Variants in DRAM2 observed in about 807,000 individuals in gnomAD.
DRAM2 encodes DNA damage regulated autophagy modulator 2, also known as DNA damage-regulated autophagy modulator protein 2.
Under a neutral mutation model 33.5 loss-of-function variants are expected in DRAM2, and 26 were observed. The observed-to-expected ratio is 0.78, with a 90% CI of 0.57 to 1.08. DRAM2 has a LOEUF of 1.08. Among genes scored for constraint, DRAM2 ranks in the 50% least tolerant of loss-of-function variants. The pLI, the probability that DRAM2 is intolerant of heterozygous loss-of-function variation, is 0.00. For synonymous variants in DRAM2, 98 were observed against 109.5 expected (o/e 0.89, Z 0.66); for missense variants, 311 against 318.1 (o/e 0.98, Z 0.17).
intron 4 of DRAM2, among the ~76,000 whole-genome samples, chr1:111,129,715 T>C (rs914889118): frequency 3.3e-5 from 5 of 152,194 alleles, no homozygotes; most frequent in Non-Finnish European, 7.4e-5. Context: ...ACCTTCATTA[T>C]AGTACTGTTT....
In DRAM2 at chr1:111,121,821, G is replaced by A. The variant is rs988398295; in HGVS notation, c.340-1128C>T. On this transcript the variant is annotated intron_variant, in intron 6 of 9. Coordinates refer to ENST00000484310, the MANE Select transcript of DRAM2 (RefSeq NM_001349884.2). ...ATGTTTGTCTTAAGTACTAAGCTAG[G>A]TGCTGGAGATACAATGGTGAACGTT... is the stretch of plus-strand genomic sequence containing the variant. 2.6e-5 allele frequency among the ~76,000 whole-genome samples: 4 copies of A among 151,990 alleles called. No individual in the cohort carries two copies. In the South Asian group the frequency reaches 6.2e-4, roughly 24 times the overall value.
At chr1:111,133,488 T>A (rs1031547469) in intron 3 of DRAM2, among the ~76,000 whole-genome samples, 2 of 152,202 alleles carry the variant, frequency 1.3e-5, no homozygotes, top group Admixed American at 6.5e-5. Flanking sequence ...TGTCTTTACT[T>A]ATCTTTCTAT....
intron 3 of DRAM2, among the ~76,000 whole-genome samples, chr1:111,133,762 A>G (rs1652610754): frequency 1.3e-5 from 2 of 152,222 alleles, no homozygotes; most frequent in Admixed American, 6.5e-5. Context: ...GTGCCAGAGC[A>G]TATTTCTTAT....
At chr1:111,137,274 A>C (rs1653425647) in intron 3 of DRAM2, among the ~76,000 whole-genome samples, 1 of 150,600 alleles carries the variant, frequency 6.6e-6, no homozygotes, top group Non-Finnish European at 1.5e-5. Context: ...AAAAAAAAAA[A>C]TTTCCATGAT....
chr1:111,137,044 G>A (rs966906034), intron 3 of DRAM2, among the ~76,000 whole-genome samples: 1 of 148,612 alleles, frequency 6.7e-6, no homozygotes, highest in Admixed American at 6.7e-5. Context: ...ACGAGGTCAG[G>A]AGATCGAGAC....
Position 111,124,971 on chromosome 1 carries a change from C to T in DRAM2, c.200-90G>A. 3 of 1,008,832 alleles carry T rather than the reference C, an allele frequency of 3.0e-6. No individual in the cohort carries two copies. In the South Asian group the frequency reaches 5.2e-5, roughly 18 times the overall value. 62.5% of individuals were successfully genotyped at this position (1,008,832 alleles called of 1,614,324 possible). On this transcript the variant is annotated intron_variant, in intron 5 of 9. Transcript: ENST00000484310. ...AGAGTTCACAAAGGTCACTGCTATC[C>T]AGAATCACAGATTTTCCTTTTAAAA...
chr1:111,131,426 G>T lies in DRAM2; in HGVS notation c.129C>A (p.Ile43=). The T allele has an allele frequency of 1.2e-6, 2 of 1,612,830 alleles. No individual in the cohort carries two copies. Among genetic ancestry groups the T allele is most frequent in the Non-Finnish European group, 1.7e-6 (2 of 1,179,274 alleles). The change falls in exon 4 of 10, where the codon ATC becomes ATA. Residue 43 remains isoleucine, a splice_region_variant and synonymous_variant. Transcript: ENST00000484310. ...TACAAAGAATACATTTCACTTACCTGATATAAGGTAAAGCCGGGTCTATAT... is the reference window on the plus strand; with the variant it reads ...TACAAAGAATACATTTCACTTACCTTATATAAGGTAAAGCCGGGTCTATAT... ...LHHIDPALPY[I]SDTGTVAPEK...
chr1:111,136,464 T>C (rs934717191), intron 3 of DRAM2, among the ~76,000 whole-genome samples: 1 of 150,320 alleles, frequency 6.7e-6, no homozygotes, highest in Admixed American at 6.6e-5. Flanking sequence ...ACTCGGGAGG[T>C]TGAAGTAGGA....
Position 111,118,007 on chromosome 1 carries a change from CTTCT to C in DRAM2, c.*149_*152del, listed in dbSNP as rs1649253434. On this transcript the variant is annotated 3_prime_UTR_variant, in exon 10 of 10. Transcript: ENST00000484310. Reference sequence around the variant, plus strand: ...TCCTTTAGAATAATCTATCAAATGGCTTCTTTCATGTTTCCTGATTATCAGCATT... The same window carrying C: ...TCCTTTAGAATAATCTATCAAATGGCTTCATGTTTCCTGATTATCAGCATT... 1.5e-6 allele frequency: 1 copy of C among 674,858 alleles called. No homozygotes were observed. Among genetic ancestry groups the C allele is most frequent in the Non-Finnish European group, 2.6e-6 (1 of 388,978 alleles). The allele number at this position is 674,858 out of a possible 1,614,324, so 41.8% of individuals were successfully genotyped here.
intron 4 of DRAM2, among the ~76,000 whole-genome samples, 160 bp from the exon 5 acceptor site, chr1:111,126,454 A>G (rs1333017451): frequency 1.3e-5 from 2 of 151,862 alleles, no homozygotes; most frequent in East Asian, 3.9e-4. Context: ...TGACAATTTG[A>G]GTTCACAAAT....
At chr1:111,133,568 C>G (rs562479923) in intron 3 of DRAM2, among the ~76,000 whole-genome samples, 1 of 152,328 alleles carries the variant, frequency 6.6e-6, no homozygotes, top group South Asian at 2.1e-4. Flanking sequence ...ATTACAAAAG[C>G]AAACACCTAG....
chr1:111,118,261 A>C lies in DRAM2; in HGVS notation c.700T>G (p.Ser234Ala), dbSNP rs1282293516. 4 of 1,610,462 alleles carry C rather than the reference A, an allele frequency of 2.5e-6. No individual in the cohort carries two copies. Among genetic ancestry groups the C allele is most frequent in the Non-Finnish European group, 3.4e-6 (4 of 1,178,456 alleles). The change falls in exon 10 of 10, where the codon TCT becomes GCT. Residue 234 changes from serine (S) to alanine (A), a missense_variant. Physicochemically the swap from Ser to Ala is moderately conservative, Grantham distance 99. Coordinates refer to ENST00000484310, the MANE Select transcript of DRAM2 (RefSeq NM_001349884.2). ...LTYIRDFQKI[S>A]LRVEANLHGL... Reference sequence around the variant, plus strand: ...TGTAAATTGGCTTCCACCCGTAAAGAAATTTTCTGGAACAGAAAAGAAAAT... The same window carrying C: ...TGTAAATTGGCTTCCACCCGTAAAGCAATTTTCTGGAACAGAAAAGAAAAT...
intron 4 of DRAM2, 26 bp from the exon 5 acceptor site, chr1:111,126,320 G>A (rs758418492): frequency 6.9e-7 from 1 of 1,451,540 alleles, no homozygotes; most frequent in South Asian, 1.2e-5. Flanking sequence ...GAAGGTATGT[G>A]GATTTCTCAT....
intron 6 of DRAM2, among the ~76,000 whole-genome samples, chr1:111,121,568 G>C (rs1010543190): frequency 6.6e-6 from 1 of 152,054 alleles, no homozygotes; most frequent in Admixed American, 6.6e-5. Context: ...CCTCTAAGTA[G>C]GTAGTGAAGA....
At position 111,118,799 on chromosome 1, in the gene DRAM2, T is replaced by G. The variant is rs1392435583; in HGVS notation, c.693+6A>C. 6.3e-7 allele frequency: 1 copy of G among 1,597,920 alleles called. No homozygotes were observed. The highest frequency in any genetic ancestry group is 8.6e-7 in the Non-Finnish European group (1 of 1,169,304). On this transcript the variant is annotated splice_donor_region_variant and intron_variant, in intron 9 of 9. Coordinates refer to ENST00000484310, the MANE Select transcript of DRAM2 (RefSeq NM_001349884.2). ...ACTGAATAAATCTAATATTGTGCCTTCTTACCTGAAAATCACGAATGTAAG... is the reference window on the plus strand; with the variant it reads ...ACTGAATAAATCTAATATTGTGCCTGCTTACCTGAAAATCACGAATGTAAG...
intron 4 of DRAM2, 78 bp from the exon 5 acceptor site, chr1:111,126,372 C>G (rs1026348420): frequency 6.1e-6 from 5 of 824,444 alleles, no homozygotes; most frequent in Non-Finnish European, 1.0e-5. Context: ...ATAAGAATAT[C>G]AGGAGTTAAT....
chr1:111,118,726 T>C (rs567904819), intron 9 of DRAM2, 79 bp downstream of exon 9: 8 of 1,065,810 alleles, frequency 7.5e-6, no homozygotes, highest in African/African-American at 1.7e-5. Flanking sequence ...GAGTTGCCTA[T>C]GGAAAGTTCT....
intron 4 of DRAM2, among the ~76,000 whole-genome samples, chr1:111,128,961 C>T (rs1571045720): frequency 6.6e-6 from 1 of 152,306 alleles, no homozygotes; most frequent in East Asian, 1.9e-4. Context: ...ATTCCACTAG[C>T]AGAGTGGTAA....
At chr1:111,118,744 T>A in intron 9 of DRAM2, 61 bp downstream of exon 9, 1 of 1,301,408 alleles carries the variant, frequency 7.7e-7, no homozygotes, top group Non-Finnish European at 1.1e-6. Flanking sequence ...TCTCTTAGTC[T>A]ACCTTCCTGG....
Sources: allele counts gnomAD v4.1 joint callset (sites outside exome capture counted in the v4.1 genomes callset), GRCh38; gene constraint gnomAD v4.1.1; transcripts MANE v1.5; gene names NCBI Gene and HGNC (gene_info 2026-07-23, HGNC 2026-07-21).